JARID2: variants seen among roughly 807,000 people sequenced by gnomAD.
JARID2 encodes protein Jumonji.
JARID2 carries 21 observed loss-of-function variants against 125.6 expected under a neutral mutation model. The observed-to-expected ratio is 0.17, with a 90% CI of 0.12 to 0.24. The LOEUF (loss-of-function observed/expected upper bound fraction) is 0.24. Among genes scored for constraint, JARID2 ranks in the 10% least tolerant of loss-of-function variants. The pLI, the probability that JARID2 is intolerant of heterozygous loss-of-function variation, is 1.00. For missense variants in JARID2, 1,303 were observed against 1,639.6 expected (o/e 0.79, Z 3.55); for synonymous variants, 736 against 661.6 (o/e 1.11, Z -1.73).
At chr6:15,450,633 C>A (rs1010479400) in intron 3 of JARID2, among the ~76,000 whole-genome samples, 2 of 152,052 alleles carry the variant, frequency 1.3e-5, no homozygotes, top group Non-Finnish European at 2.9e-5. Flanking sequence ...TTTTCAAATA[C>A]CTCTCTGAGC....
chr6:15,515,037 T>G (rs1771477900), intron 16 of JARID2, among the ~76,000 whole-genome samples: 1 of 107,490 alleles, frequency 9.3e-6, no homozygotes, highest in Non-Finnish European at 2.2e-5. Flanking sequence ...TGGTGTGCTC[T>G]CTCTCTGTTC....
rs937228734 is a variant in JARID2, at chr6:15,520,929, G to C, written c.*678G>C. 2.3e-6 allele frequency: 1 copy of C among 428,666 alleles called. No homozygotes were observed. The highest frequency in any genetic ancestry group is 4.8e-6 in the Non-Finnish European group (1 of 208,804). 26.6% of individuals were successfully genotyped at this position (428,666 alleles called of 1,614,324 possible). ...GTTCCAGGAAAGAAGAAAAGCGAGC[G>C]AGGAAGACGGAAAAGACTGCCTGCC... On this transcript the variant is annotated 3_prime_UTR_variant, in exon 18 of 18. Transcript: ENST00000341776.
At chr6:15,427,635 C>A (rs994707880) in intron 3 of JARID2, among the ~76,000 whole-genome samples, 1 of 152,102 alleles carries the variant, frequency 6.6e-6, no homozygotes, top group Non-Finnish European at 1.5e-5. Flanking sequence ...TTTTCACACC[C>A]CCAAAGGACA....
intron 3 of JARID2, among the ~76,000 whole-genome samples, chr6:15,435,948 T>C (rs566988600): frequency 6.6e-6 from 1 of 152,142 alleles, no homozygotes; most frequent in South Asian, 2.1e-4. Context: ...GGTTTTCTTG[T>C]CCCCCTCTCA....
rs373778680 is a variant in JARID2 at position 15,452,051 on chromosome 6, T to C, written c.369T>C (p.Asn123=). The stretch of plus-strand genomic sequence containing the variant: ...GGAAGTTTGCTCAGTCTCAGCCGAA[T>C]AGTCCCAGCACAACTCCAGTAAAGA... ...AQRKFAQSQP[N]SPSTTPVKIV... Residue 123 remains asparagine, a synonymous_variant, in exon 4 of 18, where the codon AAT becomes AAC. Transcript: ENST00000341776. The C allele has an allele frequency of 1.2e-5, 20 of 1,614,016 alleles. No homozygotes were observed. Among genetic ancestry groups the C allele is most frequent in the Non-Finnish European group, 1.5e-5 (18 of 1,180,000 alleles).
At chr6:15,255,018 CAAAAAACAAAA>C (rs1402386105) in intron 1 of JARID2, among the ~76,000 whole-genome samples, 1 of 147,650 alleles carries the variant, frequency 6.8e-6, no homozygotes, top group Non-Finnish European at 1.5e-5. Context: ...AAAAACAAAA[CAAAAAACAAAA>C]AAAAAACACC....
chr6:15,398,312 G>T (rs1256293338), intron 2 of JARID2, among the ~76,000 whole-genome samples: 1 of 152,176 alleles, frequency 6.6e-6, no homozygotes, highest in Non-Finnish European at 1.5e-5. Context: ...AAACTTAGAT[G>T]GTGGTGCCTT....
chr6:15,264,083 A>G (rs1185076281), intron 1 of JARID2, among the ~76,000 whole-genome samples: 1 of 152,204 alleles, frequency 6.6e-6, no homozygotes, highest in East Asian at 1.9e-4. Flanking sequence ...TTTAATTGTT[A>G]GAAAAACTGT....
At chr6:15,380,931 C>CT in intron 2 of JARID2, among the ~76,000 whole-genome samples, 1 of 38,724 alleles carries the variant, frequency 2.6e-5, no homozygotes, top group South Asian at 7.9e-4. Context: ...AAGTGACCTT[C>CT]CTCTACGAAG....
chr6:15,326,033 ATTTGT>A (rs1382817395), intron 1 of JARID2, among the ~76,000 whole-genome samples: 1 of 152,228 alleles, frequency 6.6e-6, no homozygotes, highest in Non-Finnish European at 1.5e-5. Context: ...TTAATATGAA[ATTTGT>A]TTTAATTTCT....
intron 1 of JARID2, among the ~76,000 whole-genome samples, chr6:15,320,811 G>T (rs1762324896): frequency 6.6e-6 from 1 of 150,976 alleles, no homozygotes. Flanking sequence ...ATTATTTTCA[G>T]CCATGGCCAT....
intron 1 of JARID2, among the ~76,000 whole-genome samples, chr6:15,308,391 G>A (rs1761906650): frequency 6.6e-6 from 1 of 152,162 alleles, no homozygotes; most frequent in African/African-American, 2.4e-5. Flanking sequence ...AGAACTGGAT[G>A]TTTGTGCTGT....
At chr6:15,458,507 T>G (rs928711420) in intron 4 of JARID2, among the ~76,000 whole-genome samples, 2 of 152,284 alleles carry the variant, frequency 1.3e-5, no homozygotes, top group Non-Finnish European at 2.9e-5. Context: ...TTCTTCTGTC[T>G]TACAGAATCT....
intron 1 of JARID2, among the ~76,000 whole-genome samples, chr6:15,252,825 CT>C (rs1759508415): frequency 6.6e-6 from 1 of 152,126 alleles, no homozygotes. Flanking sequence ...GCCTCAATTG[CT>C]TTTCCAGGCC....
intron 6 of JARID2, among the ~76,000 whole-genome samples, chr6:15,490,112 T>C (rs1349721794): frequency 6.6e-6 from 1 of 152,250 alleles, no homozygotes; most frequent in Non-Finnish European, 1.5e-5. Flanking sequence ...TTAAGTACTC[T>C]GAAAATAAGG....
At chr6:15,518,823 C>T (rs1771689692) in intron 17 of JARID2, among the ~76,000 whole-genome samples, 1 of 152,180 alleles carries the variant, frequency 6.6e-6, no homozygotes, top group Non-Finnish European at 1.5e-5. Context: ...AAACAGAGAC[C>T]ATTGCAAAAT....
chr6:15,248,953 G>T (rs1270538115), intron 1 of JARID2: 14 of 985,520 alleles, frequency 1.4e-5, no homozygotes, highest in African/African-American at 3.5e-5. Flanking sequence ...GGAGCGTCGC[G>T]CTTCCCACCA....
At chr6:15,405,256 G>A (rs566193741) in intron 2 of JARID2, among the ~76,000 whole-genome samples, 6 of 152,290 alleles carry the variant, frequency 3.9e-5, no homozygotes, top group East Asian at 1.9e-4. Context: ...TGTTTTGTGC[G>A]GTCTTTTCAT....
chr6:15,396,350 T>C (rs1156630884), intron 2 of JARID2, among the ~76,000 whole-genome samples: 1 of 152,226 alleles, frequency 6.6e-6, no homozygotes, highest in Non-Finnish European at 1.5e-5. Flanking sequence ...TATTTCCGTT[T>C]AACAGGTGAG....
Sources: gnomAD v4.1 joint callset for allele counts (sites outside exome capture counted in the v4.1 genomes callset) on GRCh38, gnomAD v4.1.1 for gene constraint, MANE v1.5 for transcripts, NCBI Gene and HGNC (gene_info 2026-07-23, HGNC 2026-07-21) for gene names.